The following SLCO2B1 variants were observed in gnomAD, a reference collection of about 807,000 sequenced individuals.
The protein encoded by SLCO2B1 is solute carrier organic anion transporter family member 2B1, also known as OATP-RP2.
Under a neutral mutation model 67.3 loss-of-function variants are expected in SLCO2B1, and 41 were observed. That is an observed-to-expected ratio of 0.61 (90% CI 0.47 to 0.79). SLCO2B1 has a LOEUF of 0.79. Among genes scored for constraint, SLCO2B1 ranks in the 30% least tolerant of loss-of-function variants. SLCO2B1 has a pLI of 0.00. For synonymous variants in SLCO2B1, 379 were observed against 381.4 expected (o/e 0.99, Z 0.07); for missense variants, 837 against 920.1 (o/e 0.91, Z 1.17).
intron 1 of SLCO2B1, among the ~76,000 whole-genome samples, chr11:75,161,149 A>G (rs1190150242): frequency 6.6e-6 from 1 of 152,216 alleles, no homozygotes; most frequent in Non-Finnish European, 1.5e-5. Flanking sequence ...TCTAATACCT[A>G]AGACTTGAAA....
At position 75,204,566 on chromosome 11, in the gene SLCO2B1, G is replaced by C; in HGVS notation, c.2116G>C (p.Asp706His). ...GTCGGGGCCAGGGAAGAAGCCAGAGGATTCCCGAGTGTGAGCTGTCTTGGG... is the reference window on the plus strand; with the variant it reads ...GTCGGGGCCAGGGAAGAAGCCAGAGCATTCCCGAGTGTGAGCTGTCTTGGG... ...LVSGPGKKPE[D>H]SRV Residue 706 changes from aspartate to histidine, a missense_variant, in exon 14 of 14, where the codon GAT becomes CAT. By Grantham distance (81) the Asp-to-His change is moderately conservative. Coordinates refer to ENST00000289575, the MANE Select transcript of SLCO2B1 (RefSeq NM_007256.5). 1 of 1,610,018 alleles carries C rather than the reference G, an allele frequency of 6.2e-7. No individual in the cohort carries two copies. Among genetic ancestry groups the C allele is most frequent in the East Asian group, 2.2e-5 (1 of 44,828 alleles).
intron 2 of SLCO2B1, 76 bp from the exon 3 acceptor site, chr11:75,163,887 G>T: frequency 1.3e-6 from 2 of 1,496,362 alleles, no homozygotes; most frequent in Admixed American, 2.0e-5. Flanking sequence ...ACTCCTTGCT[G>T]CTCCCTCTGC....
intron 1 of SLCO2B1, among the ~76,000 whole-genome samples, chr11:75,157,880 G>C (rs1023797027): frequency 4.6e-5 from 7 of 152,078 alleles, no homozygotes; most frequent in African/African-American, 1.7e-4. Flanking sequence ...TGGAACTACT[G>C]GGCTTGGTAA....
At chr11:75,174,444 G>T (rs1402681372) in intron 7 of SLCO2B1, among the ~76,000 whole-genome samples, 2 of 152,208 alleles carry the variant, frequency 1.3e-5, no homozygotes, top group Non-Finnish European at 2.9e-5. Flanking sequence ...CCGTGCATTG[G>T]CAGTGAGGGG....
chr11:75,182,738 T>A (rs1279927320), intron 7 of SLCO2B1, among the ~76,000 whole-genome samples: 2 of 150,780 alleles, frequency 1.3e-5, no homozygotes. Context: ...CAAGGCTCTG[T>A]TAAAAAAAAA....
At chr11:75,190,060 A>G (rs1451869464) in intron 8 of SLCO2B1, among the ~76,000 whole-genome samples, 1 of 151,864 alleles carries the variant, frequency 6.6e-6, no homozygotes, top group African/African-American at 2.4e-5. Flanking sequence ...GACTCCATGC[A>G]TGGTGCTGGG....
chr11:75,187,805 G>A (rs759601255), intron 7 of SLCO2B1, among the ~76,000 whole-genome samples: 1 of 152,112 alleles, frequency 6.6e-6, no homozygotes, highest in Non-Finnish European at 1.5e-5. Flanking sequence ...AAGCTGAAAG[G>A]AATAGAAATG....
intron 1 of SLCO2B1, among the ~76,000 whole-genome samples, chr11:75,158,191 C>T (rs745490181): frequency 2.0e-5 from 3 of 152,196 alleles, no homozygotes; most frequent in Admixed American, 6.5e-5. Flanking sequence ...CCTCTTGCCT[C>T]GGCCTCCCGA....
chr11:75,162,843 G>A lies in SLCO2B1; in HGVS notation c.147+58G>A, dbSNP rs567736095. The A allele has an allele frequency of 6.6e-5, 104 of 1,569,850 alleles. No homozygotes were observed. The South Asian group carries it at 1.2e-3, about 18-fold the overall frequency. Reference sequence around the variant, plus strand: ...TCTAGAAGAGCAGGCTCTGCCACGTGCTGGTGGTGTAATGCCAAGGAAGAC... The same window carrying A: ...TCTAGAAGAGCAGGCTCTGCCACGTACTGGTGGTGTAATGCCAAGGAAGAC... On this transcript the variant is annotated intron_variant, in intron 2 of 13. Coordinates refer to ENST00000289575, the MANE Select transcript of SLCO2B1 (RefSeq NM_007256.5).
intron 3 of SLCO2B1, among the ~76,000 whole-genome samples, chr11:75,165,446 A>C (rs983962357): frequency 2.1e-4 from 32 of 152,246 alleles, no homozygotes; most frequent in African/African-American, 7.7e-4. Context: ...AAAAAAAAAA[A>C]AATTCAAGCC....
chr11:75,168,522 A>G (rs2140312444), intron 4 of SLCO2B1, among the ~76,000 whole-genome samples: 1 of 152,206 alleles, frequency 6.6e-6, no homozygotes, highest in East Asian at 1.9e-4. Context: ...TCAGGTACTA[A>G]ATTAAGAAAT....
At chr11:75,197,234 C>T (rs1945113815) in intron 10 of SLCO2B1, among the ~76,000 whole-genome samples, 1 of 152,192 alleles carries the variant, frequency 6.6e-6, no homozygotes, top group African/African-American at 2.4e-5. Context: ...ACAGGAATTC[C>T]AGAGGTGCTG....
intron 8 of SLCO2B1, among the ~76,000 whole-genome samples, chr11:75,191,204 C>T (rs1391261133): frequency 6.6e-6 from 1 of 152,108 alleles, no homozygotes; most frequent in Non-Finnish European, 1.5e-5. Context: ...TAGGAAACTC[C>T]TGGCCTTAAA....
At chr11:75,158,552 G>A (rs892784229) in intron 1 of SLCO2B1, among the ~76,000 whole-genome samples, 1 of 152,134 alleles carries the variant, frequency 6.6e-6, no homozygotes, top group Non-Finnish European at 1.5e-5. Flanking sequence ...CCTATTTCAG[G>A]GTGAAAGGTG....
intron 3 of SLCO2B1, among the ~76,000 whole-genome samples, chr11:75,164,777 G>T (rs1949866783): frequency 6.6e-6 from 1 of 152,174 alleles, no homozygotes; most frequent in South Asian, 2.1e-4. Context: ...AGGCCGTCCA[G>T]CTGCAGTGTC....
chr11:75,158,010 G>T (rs1295004977), intron 1 of SLCO2B1, among the ~76,000 whole-genome samples: 1 of 152,080 alleles, frequency 6.6e-6, no homozygotes, highest in East Asian at 1.9e-4. Context: ...AAGACCCAAA[G>T]AAATGGGAAA....
chr11:75,166,881 G>GA (rs1289829413), intron 4 of SLCO2B1, among the ~76,000 whole-genome samples: 1 of 152,186 alleles, frequency 6.6e-6, no homozygotes, highest in Non-Finnish European at 1.5e-5. Flanking sequence ...AAGACTGTCA[G>GA]AGAGCAGGTT....
intron 6 of SLCO2B1, 161 bp downstream of exon 6, chr11:75,169,925 A>G: frequency 1.6e-6 from 1 of 615,764 alleles, no homozygotes; most frequent in Middle Eastern, 2.8e-4. Flanking sequence ...TCTGTGAGAT[A>G]ATCTCTGTCC....
At chr11:75,167,042 A>G (rs1949901877) in intron 4 of SLCO2B1, among the ~76,000 whole-genome samples, 1 of 152,182 alleles carries the variant, frequency 6.6e-6, no homozygotes, top group South Asian at 2.1e-4. Flanking sequence ...CAAGGTATAG[A>G]GCCCAGCACC....
Sources: allele counts gnomAD v4.1 joint callset (sites outside exome capture counted in the v4.1 genomes callset), GRCh38; gene constraint gnomAD v4.1.1; transcripts MANE v1.5; gene names NCBI Gene and HGNC (gene_info 2026-07-23, HGNC 2026-07-21).